The following TCF4 variants were observed in gnomAD, a reference collection of about 807,000 sequenced individuals.
TCF4 encodes SL3-3 enhancer factor 2.
In TCF4, 3 loss-of-function variants were observed where a neutral mutation model predicts 82.1. That is an observed-to-expected ratio of 0.04 (90% CI 0.02 to 0.09). The LOEUF is 0.09. TCF4 is among the 10% of genes least tolerant of loss of function. TCF4 has a pLI of 1.00. For missense variants in TCF4, 518 were observed against 852.7 expected (o/e 0.61, Z 4.89); for synonymous variants, 276 against 309.6 (o/e 0.89, Z 1.14).
intron 6 of TCF4, among the ~76,000 whole-genome samples, chr18:55,399,066 G>A (rs1324565601): frequency 1.3e-5 from 2 of 152,246 alleles, no homozygotes; most frequent in South Asian, 2.1e-4. Context: ...TGCCAATTTC[G>A]TAATAAACAA....
chr18:55,261,619 A>G (rs1323994590), intron 11 of TCF4, 86 bp from the exon 12 acceptor site: 1 of 1,456,934 alleles, frequency 6.9e-7, no homozygotes, highest in Admixed American at 1.7e-5. Flanking sequence ...TCACAATTTA[A>G]TTGCATTTTT....
chr18:55,232,334 T>C (rs553106085), intron 17 of TCF4, 175 bp downstream of exon 17: 6 of 677,146 alleles, frequency 8.9e-6, no homozygotes, highest in African/African-American at 7.2e-5. Context: ...TAGGCTCCAA[T>C]AGAGTACAGG....
chr18:55,363,344 T>C (rs2085984357), intron 6 of TCF4, among the ~76,000 whole-genome samples: 1 of 152,106 alleles, frequency 6.6e-6, no homozygotes, highest in African/African-American at 2.4e-5. Flanking sequence ...AAAATTTACG[T>C]TTTTGCTTCA....
chr18:55,331,565 T>C (rs911054369), intron 8 of TCF4, among the ~76,000 whole-genome samples: 4 of 152,328 alleles, frequency 2.6e-5, no homozygotes, highest in African/African-American at 4.8e-5. Flanking sequence ...GAAATCATCA[T>C]GTCCACAGAG....
At chr18:55,396,148 A>T (rs1380716438) in intron 6 of TCF4, among the ~76,000 whole-genome samples, 2 of 151,200 alleles carry the variant, frequency 1.3e-5, no homozygotes, top group Non-Finnish European at 3.0e-5. Flanking sequence ...GAGCCTAAAA[A>T]CTCCTTCATG....
intron 3 of TCF4, among the ~76,000 whole-genome samples, chr18:55,500,627 G>A (rs377595274): frequency 2.0e-5 from 3 of 152,292 alleles, no homozygotes; most frequent in Admixed American, 1.3e-4. Context: ...GCATGCTCAT[G>A]TTTTTAAGCG....
At chr18:55,362,927 C>T (rs1038182037) in intron 6 of TCF4, among the ~76,000 whole-genome samples, 11 of 151,886 alleles carry the variant, frequency 7.2e-5, no homozygotes, top group African/African-American at 2.4e-4. Flanking sequence ...TCTAAAAGAC[C>T]GAAATAATCT....
At chr18:55,427,753 T>C (rs2095046310) in intron 5 of TCF4, among the ~76,000 whole-genome samples, 1 of 152,240 alleles carries the variant, frequency 6.6e-6, no homozygotes, top group South Asian at 2.1e-4. Context: ...CACCACTATA[T>C]TCACATAACC....
intron 3 of TCF4, among the ~76,000 whole-genome samples, chr18:55,513,730 T>C (rs2096852179): frequency 6.6e-6 from 1 of 152,210 alleles, no homozygotes; most frequent in African/African-American, 2.4e-5. Flanking sequence ...AAGCTGCTTA[T>C]TCCTGAAGTA....
At chr18:55,558,040 A>C (rs1028086392) in intron 3 of TCF4, among the ~76,000 whole-genome samples, 1 of 152,088 alleles carries the variant, frequency 6.6e-6, no homozygotes, top group African/African-American at 2.4e-5. Flanking sequence ...TTCAATTTCT[A>C]CAAAAAGTTT....
chr18:55,552,679 T>C (rs1447301137), intron 3 of TCF4, among the ~76,000 whole-genome samples: 4 of 152,236 alleles, frequency 2.6e-5, no homozygotes, highest in Admixed American at 6.5e-5. Context: ...AAAATGCCAC[T>C]GAACGCATGG....
At chr18:55,464,376 T>C (rs2144907520) in intron 3 of TCF4, among the ~76,000 whole-genome samples, 1 of 152,330 alleles carries the variant, frequency 6.6e-6, no homozygotes, top group Middle Eastern at 3.4e-3. Flanking sequence ...ATTACTTCCA[T>C]CCTTCACAGT....
chr18:55,464,243 T>C, intron 3 of TCF4, 106 bp from the exon 4 acceptor site: 1 of 1,016,908 alleles, frequency 9.8e-7, no homozygotes, highest in Non-Finnish European at 1.6e-6. Flanking sequence ...TGCCTTTAAT[T>C]AAGAACCAGG....
chr18:55,494,020 T>G (rs968634848), intron 3 of TCF4, among the ~76,000 whole-genome samples: 8 of 152,100 alleles, frequency 5.3e-5, no homozygotes, highest in Non-Finnish European at 1.2e-4. Flanking sequence ...TTTGTAAATG[T>G]TTTCCTCATT....
intron 3 of TCF4, among the ~76,000 whole-genome samples, chr18:55,472,762 A>G (rs557285896): frequency 4.6e-5 from 7 of 152,314 alleles, no homozygotes; most frequent in African/African-American, 1.4e-4. Flanking sequence ...TCAAAGTACC[A>G]TCTAACTTCA....
intron 6 of TCF4, among the ~76,000 whole-genome samples, chr18:55,356,232 T>G (rs182373429): frequency 2.0e-5 from 3 of 152,336 alleles, no homozygotes; most frequent in Admixed American, 2.0e-4. Flanking sequence ...CATTAGATTC[T>G]CTATTTTCAG....
intron 3 of TCF4, among the ~76,000 whole-genome samples, chr18:55,528,396 A>G (rs1219023606): frequency 1.3e-5 from 2 of 152,226 alleles, no homozygotes; most frequent in Non-Finnish European, 2.9e-5. Flanking sequence ...CCAGTGCATA[A>G]CCCAGAAGTC....
intron 6 of TCF4, among the ~76,000 whole-genome samples, chr18:55,357,379 G>A (rs920001002): frequency 2.0e-5 from 3 of 152,170 alleles, no homozygotes; most frequent in Non-Finnish European, 2.9e-5. Context: ...GTCAGTTTAA[G>A]CTCCTTCTCA....
At chr18:55,450,443 C>A (rs984286507) in intron 5 of TCF4, among the ~76,000 whole-genome samples, 1 of 152,164 alleles carries the variant, frequency 6.6e-6, no homozygotes, top group African/African-American at 2.4e-5. Context: ...TTAATCTCAA[C>A]CTATGCTCCA....
Sources: allele counts gnomAD v4.1 joint callset (sites outside exome capture counted in the v4.1 genomes callset), GRCh38; gene constraint gnomAD v4.1.1; transcripts MANE v1.5; gene names NCBI Gene and HGNC (gene_info 2026-07-23, HGNC 2026-07-21).